CCDC7: variants seen among roughly 807,000 people sequenced by gnomAD.
The protein encoded by CCDC7 is coiled-coil domain-containing protein 7.
A neutral mutation model predicts 196.9 loss-of-function variants in CCDC7; 183 were observed. The ratio of observed to expected loss-of-function variants is 0.93; its 90% CI spans 0.82 to 1.05. CCDC7 has a LOEUF of 1.05. Ranked by LOEUF, CCDC7 falls within the 50% of genes least tolerant of loss-of-function variation. The probability of loss-of-function intolerance (pLI) is 0.00; values close to 1 mark genes in which losing one functional copy is unlikely to be tolerated. For synonymous variants in CCDC7, 525 were observed against 484.6 expected, an observed-to-expected ratio of 1.08 and a Z score of -1.10; for missense variants, 1,540 against 1,482.2, an observed-to-expected ratio of 1.04 and a Z score of -0.64.
chr10:32,621,927 G>C (rs1305485866), intron 18 of CCDC7, among the ~76,000 whole-genome samples: 1 of 152,146 alleles, frequency 6.6e-6, no homozygotes, highest in Non-Finnish European at 1.5e-5. Flanking sequence ...GAGAAATAAT[G>C]TTTTACTAGC....
At chr10:32,800,507 C>T (rs2084562234) in intron 29 of CCDC7, among the ~76,000 whole-genome samples, 3 of 152,142 alleles carry the variant, frequency 2.0e-5, no homozygotes, top group Admixed American at 2.0e-4. Flanking sequence ...TCCATAAGCC[C>T]CTACCTTAAC....
chr10:32,664,727 A>G (rs2072273522), intron 21 of CCDC7, among the ~76,000 whole-genome samples: 1 of 151,992 alleles, frequency 6.6e-6, no homozygotes, highest in African/African-American at 2.4e-5. Flanking sequence ...GCTGGACACT[A>G]AGTTTGATTC....
intron 41 of CCDC7, among the ~76,000 whole-genome samples, chr10:32,867,249 ATTGTG>A (rs1366345307): frequency 1.3e-5 from 2 of 151,644 alleles, no homozygotes; most frequent in African/African-American, 2.4e-5. Context: ...ATTTTTGGTA[ATTGTG>A]TTGTGATGAT....
intron 14 of CCDC7, among the ~76,000 whole-genome samples, chr10:32,566,861 C>G (rs746595507): frequency 6.9e-6 from 1 of 144,732 alleles, no homozygotes; most frequent in Non-Finnish European, 1.5e-5. Context: ...TGCAAAAAAA[C>G]CCCGCAGATA....
chr10:32,822,878 T>A (rs2090485921), intron 31 of CCDC7, among the ~76,000 whole-genome samples: 1 of 152,192 alleles, frequency 6.6e-6, no homozygotes, highest in Non-Finnish European at 1.5e-5. Flanking sequence ...AAATTGTGAC[T>A]TTTACTAGTT....
intron 28 of CCDC7, among the ~76,000 whole-genome samples, chr10:32,744,912 A>C (rs1361617700): frequency 6.6e-6 from 1 of 152,156 alleles, no homozygotes; most frequent in Non-Finnish European, 1.5e-5. Context: ...TCACCTAGGA[A>C]TCTTTTATAT....
chr10:32,820,971 C>A (rs7475128), intron 31 of CCDC7, among the ~76,000 whole-genome samples: 150,834 of 152,184 alleles, frequency 0.99, 74,768 homozygotes, highest in Middle Eastern at 1. Flanking sequence ...CAAATGGGAT[C>A]TAATTAAACT....
At chr10:32,869,106 A>G (rs1046043605) in intron 41 of CCDC7, among the ~76,000 whole-genome samples, 2 of 152,122 alleles carry the variant, frequency 1.3e-5, no homozygotes, top group African/African-American at 2.4e-5. Flanking sequence ...GCTGGGTCAA[A>G]TGGTATTTCT....
chr10:32,829,089 A>G (rs1044257469), intron 32 of CCDC7, among the ~76,000 whole-genome samples: 5 of 152,126 alleles, frequency 3.3e-5, no homozygotes, highest in African/African-American at 1.2e-4. Context: ...TCAGTCTACT[A>G]CTCCACAGTG....
chr10:32,541,142 T>G (rs566396352), intron 11 of CCDC7, among the ~76,000 whole-genome samples: 2 of 152,158 alleles, frequency 1.3e-5, no homozygotes, highest in African/African-American at 4.8e-5. Context: ...CCCTGCCTTC[T>G]GGGTGTTTCC....
At chr10:32,723,704 G>C (rs1313425701) in intron 25 of CCDC7, among the ~76,000 whole-genome samples, 2 of 152,038 alleles carry the variant, frequency 1.3e-5, no homozygotes, top group African/African-American at 2.4e-5. Context: ...CACCCCACAA[G>C]ATGACACTCT....
At chr10:32,832,054 A>G (rs1012073970) in intron 32 of CCDC7, among the ~76,000 whole-genome samples, 2 of 152,166 alleles carry the variant, frequency 1.3e-5, no homozygotes, top group Non-Finnish European at 2.9e-5. Flanking sequence ...AATGGTTACA[A>G]CATCACTACA....
chr10:32,496,170 A>G (rs1344071733), intron 9 of CCDC7, among the ~76,000 whole-genome samples: 1 of 151,782 alleles, frequency 6.6e-6, no homozygotes. Context: ...ATGGGAGTTC[A>G]CTCATGATTT....
chr10:32,760,348 A>G (rs907574468), intron 28 of CCDC7, among the ~76,000 whole-genome samples: 1 of 152,080 alleles, frequency 6.6e-6, no homozygotes, highest in Non-Finnish European at 1.5e-5. Context: ...ACCAACCCAA[A>G]TGTCCAACAA....
intron 20 of CCDC7, among the ~76,000 whole-genome samples, chr10:32,638,338 GC>G: frequency 6.6e-6 from 1 of 152,266 alleles, no homozygotes; most frequent in Non-Finnish European, 1.5e-5. Flanking sequence ...TCCAGTTTTT[GC>G]CCATTCAGTA....
chr10:32,476,215 T>A (rs2038940405), intron 8 of CCDC7, among the ~76,000 whole-genome samples: 1 of 152,182 alleles, frequency 6.6e-6, no homozygotes, highest in Non-Finnish European at 1.5e-5. Context: ...CCTATTCACC[T>A]CTTCCTCCAT....
At chr10:32,639,312 T>C (rs1367053873) in intron 20 of CCDC7, among the ~76,000 whole-genome samples, 1 of 152,214 alleles carries the variant, frequency 6.6e-6, no homozygotes, top group Non-Finnish European at 1.5e-5. Context: ...TCTAGTTCTT[T>C]TAATTGTTAT....
intron 29 of CCDC7, among the ~76,000 whole-genome samples, chr10:32,791,683 GA>G (rs983800386): frequency 5.3e-5 from 8 of 150,788 alleles, no homozygotes; most frequent in Admixed American, 4.0e-4. Flanking sequence ...TATCAGAGAA[GA>G]AAAAAAGAAT....
chr10:32,736,268 A>G (rs2084850591), intron 28 of CCDC7, among the ~76,000 whole-genome samples: 1 of 152,148 alleles, frequency 6.6e-6, no homozygotes, highest in Non-Finnish European at 1.5e-5. Flanking sequence ...AACAAACAAT[A>G]TTGAGACTTC....
Sources: gnomAD v4.1 joint callset for allele counts (sites outside exome capture counted in the v4.1 genomes callset) on GRCh38, gnomAD v4.1.1 for gene constraint, MANE v1.5 for transcripts, NCBI Gene and HGNC (gene_info 2026-07-23, HGNC 2026-07-21) for gene names.